Variants in TMTC1 observed in about 807,000 individuals in gnomAD.
TMTC1 encodes the protein transmembrane O-mannosyltransferase targeting cadherins 1.
In TMTC1, 73 loss-of-function variants were observed where a neutral mutation model predicts 104.8. The observed-to-expected ratio is 0.70, with a 90% CI of 0.58 to 0.85. The LOEUF is 0.85. Ranked by LOEUF, TMTC1 falls within the 40% of genes least tolerant of loss-of-function variation. The probability of loss-of-function intolerance (pLI) is 0.00; values close to 1 mark genes in which losing one functional copy is unlikely to be tolerated. For synonymous variants in TMTC1, 434 were observed against 428.7 expected (o/e 1.01, Z -0.15); for missense variants, 1,035 against 1,096.1 (o/e 0.94, Z 0.79).
intron 5 of TMTC1, among the ~76,000 whole-genome samples, chr12:29,693,162 A>G (rs1941314292): frequency 6.9e-6 from 1 of 145,182 alleles, no homozygotes; most frequent in South Asian, 2.2e-4. Context: ...ACAGAGGGAT[A>G]TTTAAATACA....
At chr12:29,512,709 ATCC>A (rs1943874525) in intron 16 of TMTC1, among the ~76,000 whole-genome samples, 1 of 152,208 alleles carries the variant, frequency 6.6e-6, no homozygotes, top group Non-Finnish European at 1.5e-5. Flanking sequence ...AGAGTTACTT[ATCC>A]CTCAAGCACT....
chr12:29,595,567 T>G (rs1471657283), intron 7 of TMTC1, among the ~76,000 whole-genome samples: 1 of 152,226 alleles, frequency 6.6e-6, no homozygotes, highest in Non-Finnish European at 1.5e-5. Flanking sequence ...TCCTGGGCAC[T>G]GCCCTCAAGA....
Position 29,506,808 on chromosome 12 carries a change from C to T in TMTC1, c.*38G>A. 1.2e-6 allele frequency: 2 copies of T among 1,611,502 alleles called. No homozygotes were observed. The highest frequency in any genetic ancestry group is 8.5e-7 in the Non-Finnish European group (1 of 1,177,970). ...GCTTCCATCACTCCCCTTTCAGAGG[C>T]ACCACATTATCCTATGAGGTTGGGT... On this transcript the variant is annotated 3_prime_UTR_variant, in exon 18 of 18. Transcript: ENST00000539277.
At chr12:29,640,784 G>A (rs963251551) in intron 5 of TMTC1, 3 of 152,232 alleles carry the variant, frequency 2.0e-5, no homozygotes, top group African/African-American at 7.2e-5. Flanking sequence ...CAGAACTCGG[G>A]GGAGGGTGCA....
chr12:29,507,958 C>G (rs1472764974), intron 17 of TMTC1, among the ~76,000 whole-genome samples: 1 of 152,192 alleles, frequency 6.6e-6, no homozygotes, highest in Non-Finnish European at 1.5e-5. Context: ...AAAATTGTAT[C>G]TCTTAGAGTG....
intron 7 of TMTC1, among the ~76,000 whole-genome samples, chr12:29,588,106 A>G (rs918754063): frequency 1.3e-5 from 2 of 152,102 alleles, no homozygotes; most frequent in African/African-American, 4.8e-5. Context: ...GTTTGGCCAA[A>G]GAGAGTCACC....
At chr12:29,591,347 T>A (rs140969182) in intron 7 of TMTC1, among the ~76,000 whole-genome samples, 2,439 of 152,252 alleles carry the variant, frequency 0.016, 28 homozygotes, top group Middle Eastern at 0.048. Context: ...ACGACATGCT[T>A]TCCTGGCCTT....
At chr12:29,559,571 T>G (rs1221274165) in intron 9 of TMTC1, among the ~76,000 whole-genome samples, 1 of 152,198 alleles carries the variant, frequency 6.6e-6, no homozygotes, top group East Asian at 1.9e-4. Context: ...TTACTATGCC[T>G]TGTGCTCTAA....
chr12:29,666,425 G>C (rs561855142), intron 5 of TMTC1, among the ~76,000 whole-genome samples: 49 of 151,718 alleles, frequency 3.2e-4, no homozygotes, highest in African/African-American at 1.1e-3. Flanking sequence ...AGTAGAGACG[G>C]GGTTTCACTG....
At position 29,501,022 on chromosome 12, in the gene TMTC1, A is replaced by C. The variant is rs1943576578; in HGVS notation, c.*5824T>G. The C allele has an allele frequency of 6.6e-6, 1 of 152,648 alleles. No individual in the cohort carries two copies. Among genetic ancestry groups the C allele is most frequent in the Non-Finnish European group, 1.5e-5 (1 of 68,046 alleles). 9.5% of individuals were successfully genotyped at this position (152,648 alleles called of 1,614,324 possible). ...TACAACTGATCCAAACAGGAAGTAA[A>C]AGCATTATGAAAAAAGAACATGATG... On this transcript the variant is annotated 3_prime_UTR_variant, in exon 18 of 18. Coordinates refer to ENST00000539277, the MANE Select transcript of TMTC1 (RefSeq NM_001193451.2).
chr12:29,616,013 G>C (rs957106294), intron 6 of TMTC1, among the ~76,000 whole-genome samples: 5 of 152,122 alleles, frequency 3.3e-5, no homozygotes, highest in Admixed American at 3.3e-4. Context: ...CTAAAAAGGG[G>C]TTCCAAATTC....
At position 29,638,990 on chromosome 12, in the gene TMTC1, C is replaced by T. The variant is rs538801272; in HGVS notation, c.939-5654G>A. Among the ~76,000 whole-genome samples, 15 of 152,334 alleles carry T rather than the reference C, an allele frequency of 9.8e-5. 1 individual carries two copies. The highest frequency in any genetic ancestry group is 6.5e-4 in the Admixed American group (10 of 15,304). On this transcript the variant is annotated intron_variant, in intron 5 of 17. Coordinates refer to ENST00000539277, the MANE Select transcript of TMTC1 (RefSeq NM_001193451.2). ...TGGTAATTACTGTCTTTAGCATCTT[C>T]TTCCCCTGCCCATAACCTTCTCCAG...
chr12:29,648,952 T>C (rs1939394937), intron 5 of TMTC1, among the ~76,000 whole-genome samples: 2 of 152,124 alleles, frequency 1.3e-5, no homozygotes, highest in African/African-American at 4.8e-5. Flanking sequence ...TAAGTAGCCA[T>C]ATGGGGCCCG....
At chr12:29,596,515 A>T (rs1223437607) in intron 7 of TMTC1, among the ~76,000 whole-genome samples, 1 of 152,216 alleles carries the variant, frequency 6.6e-6, no homozygotes, top group Non-Finnish European at 1.5e-5. Flanking sequence ...GATGACCATA[A>T]TAAAAATACA....
chr12:29,625,616 G>C (rs76477216), intron 6 of TMTC1, among the ~76,000 whole-genome samples: 1 of 152,350 alleles, frequency 6.6e-6, no homozygotes, highest in Non-Finnish European at 1.5e-5. Context: ...ATGCATTAAA[G>C]TGATTTTGAA....
At chr12:29,507,133 TGTCTATTG>T (rs1231316375) in intron 17 of TMTC1, 147 bp from the exon 18 acceptor site, 1 of 673,734 alleles carries the variant, frequency 1.5e-6, no homozygotes, top group Non-Finnish European at 2.5e-6. Flanking sequence ...ATTTTATCCT[TGTCTATTG>T]GTGCTTTTGA....
At chr12:29,699,104 TC>T (rs898348068) in intron 5 of TMTC1, among the ~76,000 whole-genome samples, 3 of 152,298 alleles carry the variant, frequency 2.0e-5, no homozygotes, top group African/African-American at 7.2e-5. Context: ...TAATGCCTTA[TC>T]GTGTTCCAAG....
chr12:29,681,163 C>A (rs1243400158), intron 5 of TMTC1, among the ~76,000 whole-genome samples: 4 of 147,182 alleles, frequency 2.7e-5, no homozygotes, highest in Admixed American at 1.3e-4. Flanking sequence ...AGCATGACAA[C>A]TGAAGTCATA....
chr12:29,660,776 G>GTATATATA (rs144268878), intron 5 of TMTC1: 7 of 704,524 alleles, frequency 9.9e-6, no homozygotes, highest in Non-Finnish European at 1.4e-5. Context: ...TATTTCAAAA[G>GTATATATA]TATATATATA....
Sources: gnomAD v4.1 joint callset for allele counts (sites outside exome capture counted in the v4.1 genomes callset) on GRCh38, gnomAD v4.1.1 for gene constraint, MANE v1.5 for transcripts, NCBI Gene and HGNC (gene_info 2026-07-23, HGNC 2026-07-21) for gene names.